Variants in TTYH1 observed in about 807,000 individuals in gnomAD.
TTYH1 encodes the protein protein tweety homolog 1.
Under a neutral mutation model 61.2 loss-of-function variants are expected in TTYH1, and 33 were observed. The ratio of observed to expected loss-of-function variants is 0.54; its 90% confidence interval spans 0.41 to 0.72. TTYH1 has a LOEUF of 0.72. Ranked by LOEUF, TTYH1 falls within the 30% of genes least tolerant of loss-of-function variation. The pLI is 0.00. For missense variants in TTYH1, 538 were observed against 575.8 expected (o/e 0.93, Z 0.67); for synonymous variants, 308 against 266.4 (o/e 1.16, Z -1.52).
In TTYH1 at chr19:54,435,888, G is replaced by C; in HGVS notation, c.1314+15G>C. The stretch of plus-strand genomic sequence containing the variant: ...TCAACCCTCAGGTACTGGATGCCTG[G>C]GTCTGAGGGAGGAGGGGCGGGGGGT... On this transcript the variant is annotated intron_variant, in intron 12 of 13. Transcript: ENST00000376530. 6.2e-7 allele frequency: 1 copy of C among 1,612,514 alleles called. No individual in the cohort carries two copies. The highest frequency in any genetic ancestry group is 8.5e-7 in the Non-Finnish European group (1 of 1,179,424).
chr19:54,419,160 G>C lies in TTYH1; in HGVS notation c.159G>C (p.Leu53=). 1 of 1,613,142 alleles carries C rather than the reference G, an allele frequency of 6.2e-7. No individual in the cohort carries two copies. The highest frequency in any genetic ancestry group is 1.7e-5 in the Admixed American group (1 of 59,952). The stretch of plus-strand genomic sequence containing the variant: ...TGCTGGTGGCGGCCTTGGCGGGCCT[G>C]GGCTTGGGCCTGAGCCTCATTTTCA... ...ALLLVAALAG[L]GLGLSLIFIA... Residue 53 remains leucine, a synonymous_variant, in exon 2 of 14, where the codon CTG becomes CTC. Coordinates refer to ENST00000376530, the MANE Select transcript of TTYH1 (RefSeq NM_020659.4). The surrounding 1 kb of genome is among the most constrained non-coding windows in gnomAD (Gnocchi z 6.1).
In TTYH1 at chr19:54,415,615, C is replaced by T; in HGVS notation, c.63C>T (p.Arg21=). ...AWVHLLHQLP[R]ADFQLRPVPS... is the part of the protein sequence containing the mutation. ...TGCATCTCCTCCACCAGCTGCCCCG[C>T]GCCGACTTCCAGCTCCGCCCGGTGC... is the stretch of plus-strand genomic sequence containing the variant. Residue 21 remains arginine, a synonymous_variant, in exon 1 of 14, where the codon CGC becomes CGT. Coordinates refer to ENST00000376530, the MANE Select transcript of TTYH1 (RefSeq NM_020659.4). This position sits in a 1 kb window ranked among gnomAD's most constrained non-coding sequence, Gnocchi z 5.2. The T allele has an allele frequency of 6.4e-7, 1 of 1,561,818 alleles. No individual in the cohort carries two copies. The highest frequency in any genetic ancestry group is 8.6e-7 in the Non-Finnish European group (1 of 1,161,314).
At position 54,436,059 on chromosome 19, in the gene TTYH1, CCT is replaced by C; in HGVS notation, c.1315-28_1315-27del. ...AAAGCCAATTCCCACTCCATTCCCT[CCT>C]CTCCCCCGCTACCCCGAATCTCCTA... On this transcript the variant is annotated intron_variant, in intron 12 of 13. Transcript: ENST00000376530. This position sits in a 1 kb window ranked among gnomAD's most constrained non-coding sequence, Gnocchi z 4.3. 1 of 1,610,816 alleles carries C rather than the reference CCT, an allele frequency of 6.2e-7. No individual in the cohort carries two copies. Among genetic ancestry groups the C allele is most frequent in the Non-Finnish European group, 8.5e-7 (1 of 1,177,322 alleles).
In TTYH1 at chr19:54,419,262, A is replaced by G. The variant is rs752292747; in HGVS notation, c.261A>G (p.Gly87=). 2 of 1,581,490 alleles carry G rather than the reference A, an allele frequency of 1.3e-6. No individual in the cohort carries two copies. Among genetic ancestry groups the G allele is most frequent in the East Asian group, 2.3e-5 (1 of 43,214 alleles). The part of the protein sequence containing the change: ...PPGSKIPSPG[G]GCVTWSCIVA... The stretch of plus-strand genomic sequence containing the variant: ...GGTCCAAGATCCCCTCGCCCGGGGG[A>G]GGCTGCGTCACCTGGAGCTGCATTG... The change falls in exon 2 of 14, where the codon GGA becomes GGG. Residue 87 remains glycine (G), a synonymous_variant. Coordinates refer to ENST00000376530, the MANE Select transcript of TTYH1 (RefSeq NM_020659.4). This position sits in a 1 kb window ranked among gnomAD's most constrained non-coding sequence, Gnocchi z 6.1.
At position 54,421,041 on chromosome 19, in the gene TTYH1, C is replaced by T. The variant is rs2083206300; in HGVS notation, c.306-236C>T. Among the ~76,000 whole-genome samples the T allele has an allele frequency of 1.3e-5, 2 of 152,142 alleles. No individual in the cohort carries two copies. The highest frequency in any genetic ancestry group is 2.4e-5 in the African/African-American group (1 of 41,426). Reference sequence around the variant, plus strand: ...GCTCCCTCCCCCCCACCACTCCACCCACCATTAACATCACAATGACGTCCC... The same window carrying T: ...GCTCCCTCCCCCCCACCACTCCACCTACCATTAACATCACAATGACGTCCC... On this transcript the variant is annotated intron_variant, in intron 2 of 13. Transcript: ENST00000376530. This position sits in a 1 kb window ranked among gnomAD's most constrained non-coding sequence, Gnocchi z 4.8.
In TTYH1 at chr19:54,420,945, GGGAAGAC is replaced by G. The variant is rs2083203018; in HGVS notation, c.306-329_306-323del. 4.8e-6 allele frequency: 2 copies of G among 418,500 alleles called. No homozygotes were observed. Among genetic ancestry groups the G allele is most frequent in the Non-Finnish European group, 9.4e-6 (2 of 213,704 alleles). The allele number at this position is 418,500 out of a possible 1,614,324, so 25.9% of individuals were successfully genotyped here. On this transcript the variant is annotated intron_variant, in intron 2 of 13. Coordinates refer to ENST00000376530, the MANE Select transcript of TTYH1 (RefSeq NM_020659.4). This position sits in a 1 kb window ranked among gnomAD's most constrained non-coding sequence, Gnocchi z 4.8. Reference sequence around the variant, plus strand: ...GTGTGGGGCAGGCAGTCCTAGGGAGGGGAAGACGGCCCATCCCGGAGCTGGGTGTGAC... The same window carrying G: ...GTGTGGGGCAGGCAGTCCTAGGGAGGGGCCCATCCCGGAGCTGGGTGTGAC...
In TTYH1 at chr19:54,434,356, C is replaced by T. The variant is rs931226889; in HGVS notation, c.1126-1186C>T. The T allele has an allele frequency of 3.3e-5, 5 of 152,592 alleles. No homozygotes were observed. Among genetic ancestry groups the T allele is most frequent in the Admixed American group, 3.3e-4 (5 of 15,304 alleles). The allele number at this position is 152,592 out of a possible 1,614,324, so 9.5% of individuals were successfully genotyped here. On this transcript the variant is annotated intron_variant, in intron 10 of 13. Transcript: ENST00000376530. The surrounding 1 kb of genome is among the most constrained non-coding windows in gnomAD (Gnocchi z 4.3). The stretch of plus-strand genomic sequence containing the variant: ...ATGGATTAAAATCCCTGTTCCTCGC[C>T]CTGACCTACAAGGGCCTGGGTGGTC...
rs776089398 is a variant in TTYH1 at position 54,421,309 on chromosome 19, G to T, written c.338G>T (p.Ser113Ile). 3 of 1,613,642 alleles carry T rather than the reference G, an allele frequency of 1.9e-6. No homozygotes were observed. The highest frequency in any genetic ancestry group is 1.1e-5 in the South Asian group (1 of 91,084). ...TGIGIGFYGN[S>I]ETSDGVSQLS... Reference sequence around the variant, plus strand: ...ATTGGCATCGGTTTCTATGGCAACAGTGAGACCAGTGATGGGGTGTCCCAG... The same window carrying T: ...ATTGGCATCGGTTTCTATGGCAACATTGAGACCAGTGATGGGGTGTCCCAG... Residue 113 changes from serine to isoleucine, a missense_variant, in exon 3 of 14, where the codon AGT becomes ATT. Coordinates refer to ENST00000376530, the MANE Select transcript of TTYH1 (RefSeq NM_020659.4). This position sits in a 1 kb window ranked among gnomAD's most constrained non-coding sequence, Gnocchi z 4.8.
Position 54,436,658 on chromosome 19 carries a change from C to T in TTYH1, c.*368C>T, listed in dbSNP as rs2083559905. 7.7e-6 allele frequency: 4 copies of T among 521,540 alleles called. No homozygotes were observed. The highest frequency in any genetic ancestry group is 1.4e-5 in the Non-Finnish European group (4 of 291,794). 32.3% of individuals were successfully genotyped at this position (521,540 alleles called of 1,614,324 possible). ...GTGGGCTCTGACCCCCTGATCTCAA[C>T]TCGTGGCACTAACTTGGAAAAGGGT... On this transcript the variant is annotated 3_prime_UTR_variant, in exon 14 of 14. Transcript: ENST00000376530. The surrounding 1 kb of genome is among the most constrained non-coding windows in gnomAD (Gnocchi z 4.3).
In TTYH1 at chr19:54,417,701, A is replaced by G. The variant is rs536261441; in HGVS notation, c.127-1427A>G. Among the ~76,000 whole-genome samples, 134 of 150,730 alleles carry G rather than the reference A, an allele frequency of 8.9e-4. 1 individual carries two copies. Among genetic ancestry groups the G allele is most frequent in the African/African-American group, 2.3e-3 (92 of 40,876 alleles). On this transcript the variant is annotated intron_variant, in intron 1 of 13. Transcript: ENST00000376530. ...TATACTCCCATACACACACACACGT[A>G]CATTCCATTCACATCTACACACACA...
intron 3 of TTYH1, 94 bp from the exon 4 acceptor site, chr19:54,422,096 T>C: frequency 1.0e-6 from 1 of 1,004,972 alleles, no homozygotes; most frequent in Non-Finnish European, 1.5e-6. Flanking sequence ...CACCCGCTAC[T>C]ATGCACCCCT....
chr19:54,436,417 G>T lies in TTYH1; in HGVS notation c.*127G>T. On this transcript the variant is annotated 3_prime_UTR_variant, in exon 14 of 14. Transcript: ENST00000376530. This position sits in a 1 kb window ranked among gnomAD's most constrained non-coding sequence, Gnocchi z 4.3. ...TAACACTCTTGGCCATGGACAGCCT[G>T]CACAGGACCGCCTCCCTGCTCTTGG... The T allele has an allele frequency of 1.9e-6, 3 of 1,601,784 alleles. No individual in the cohort carries two copies. Among genetic ancestry groups the T allele is most frequent in the Non-Finnish European group, 2.6e-6 (3 of 1,169,090 alleles).
chr19:54,421,317 A>G lies in TTYH1; in HGVS notation c.346A>G (p.Ser116Gly), dbSNP rs1196049176. The change falls in exon 3 of 14, where the codon AGT becomes GGT. Residue 116 changes from serine to glycine, a missense_variant. Ser to Gly is a moderately conservative substitution (Grantham distance 56). This residue lies in a region of TTYH1 where 3 missense variants were observed against 17.5 expected (regional missense o/e 0.17). Transcript: ENST00000376530. The surrounding 1 kb of genome is among the most constrained non-coding windows in gnomAD (Gnocchi z 4.8). ...GIGFYGNSET[S>G]DGVSQLSSAL... Reference sequence around the variant, plus strand: ...CGGTTTCTATGGCAACAGTGAGACCAGTGATGGGGTGTCCCAGCTCAGCTC... The same window carrying G: ...CGGTTTCTATGGCAACAGTGAGACCGGTGATGGGGTGTCCCAGCTCAGCTC... 2 of 1,613,684 alleles carry G rather than the reference A, an allele frequency of 1.2e-6. No individual in the cohort carries two copies. Among genetic ancestry groups the G allele is most frequent in the Admixed American group, 3.3e-5 (2 of 59,986 alleles).
rs761236691 is a variant in TTYH1, at chr19:54,434,228, C to G, written c.1126-1314C>G. 3.5e-4 allele frequency: 53 copies of G among 152,840 alleles called. No homozygotes were observed. The highest frequency in any genetic ancestry group is 5.2e-4 in the Admixed American group (8 of 15,294). 9.5% of individuals were successfully genotyped at this position (152,840 alleles called of 1,614,324 possible). A position where few individuals can be genotyped will look rare whatever the true frequency, so the allele number is the denominator to read the frequency against. ...TTCCCTGTCCCCCCTCGCCTACCCCCGTCTGTCCTCCATGCAGCAGCCAGC... is the reference window on the plus strand; with the variant it reads ...TTCCCTGTCCCCCCTCGCCTACCCCGGTCTGTCCTCCATGCAGCAGCCAGC... On this transcript the variant is annotated intron_variant, in intron 10 of 13. Transcript: ENST00000376530. This position sits in a 1 kb window ranked among gnomAD's most constrained non-coding sequence, Gnocchi z 4.3.
chr19:54,417,508 A>T (rs2083111690), intron 1 of TTYH1, among the ~76,000 whole-genome samples: 1 of 152,082 alleles, frequency 6.6e-6, no homozygotes, highest in African/African-American at 2.4e-5. Flanking sequence ...ACTCACATGG[A>T]TATACCCACT....
intron 4 of TTYH1, chr19:54,426,329 G>T (rs1375143915): frequency 1.0e-5 from 3 of 290,282 alleles, no homozygotes; most frequent in Admixed American, 4.8e-5. Flanking sequence ...TCTTGAGAAC[G>T]AGTATCTCCA....
Position 54,423,563 on chromosome 19 carries a change from C to T in TTYH1, c.638+1153C>T, listed in dbSNP as rs111674757. Among the ~76,000 whole-genome samples, 120 of 152,272 alleles carry T rather than the reference C, an allele frequency of 7.9e-4. 1 individual carries two copies. The highest frequency in any genetic ancestry group is 2.8e-3 in the African/African-American group (116 of 41,552). On this transcript the variant is annotated intron_variant, in intron 4 of 13. Transcript: ENST00000376530. The stretch of plus-strand genomic sequence containing the variant: ...GCCAGCCAGCCCCACCCTAACCACG[C>T]GGCTGCAATCAAGTTACTTTGCAGA...
At chr19:54,435,907 G>T in intron 12 of TTYH1, 34 bp downstream of exon 12, 1 of 1,606,644 alleles carries the variant, frequency 6.2e-7, no homozygotes. Flanking sequence ...GAGGAGGGGC[G>T]GGGGGTCCTG....
Position 54,421,325 on chromosome 19 carries a change from G to T in TTYH1, c.354G>T (p.Gly118=), listed in dbSNP as rs771575876. The change falls in exon 3 of 14, where the codon GGG becomes GGT. Residue 118 remains glycine (G), a synonymous_variant. Transcript: ENST00000376530. This position sits in a 1 kb window ranked among gnomAD's most constrained non-coding sequence, Gnocchi z 4.8. ...ATGGCAACAGTGAGACCAGTGATGGGGTGTCCCAGCTCAGCTCTGCGCTGC... is the reference window on the plus strand; with the variant it reads ...ATGGCAACAGTGAGACCAGTGATGGTGTGTCCCAGCTCAGCTCTGCGCTGC... ...GFYGNSETSD[G]VSQLSSALLH... 7.4e-6 allele frequency: 12 copies of T among 1,613,810 alleles called. No individual in the cohort carries two copies. The South Asian group carries it at 1.2e-4, about 16-fold the overall frequency.
Sources: gnomAD v4.1 joint callset for allele counts (sites outside exome capture counted in the v4.1 genomes callset) on GRCh38, gnomAD v4.1.1 for gene constraint, gnomAD v4.1.1 regional missense constraint, Gnocchi (gnomAD v3.1) non-coding constraint, MANE v1.5 for transcripts, NCBI Gene and HGNC (gene_info 2026-07-23, HGNC 2026-07-21) for gene names.